Variants in WNK1 observed in about 807,000 individuals in gnomAD.
WNK1 encodes the protein WNK lysine deficient protein kinase 1.
WNK1 carries 38 observed loss-of-function variants against 222.8 expected under a neutral mutation model. The observed-to-expected ratio is 0.17, with a 90% CI of 0.13 to 0.22. The LOEUF is 0.22. Ranked by LOEUF, WNK1 falls within the 10% of genes least tolerant of loss-of-function variation. WNK1 has a pLI of 1.00. For missense variants in WNK1, 2,348 were observed against 2,918.4 expected, an observed-to-expected ratio of 0.80 and a Z score of 4.50; for synonymous variants, 1,090 against 1,092.9, an observed-to-expected ratio of 1.00 and a Z score of 0.05.
rs368621387 is a variant in WNK1, at chr12:885,188, G to A, written c.4384G>A (p.Gly1462Ser). The change falls in exon 19 of 28, where the codon GGC becomes AGC. Residue 1462 changes from glycine (G) to serine (S), a missense_variant. By Grantham distance (56) the Gly-to-Ser change is moderately conservative (BLOSUM62 0). This residue lies in a region of WNK1 where 1,144 missense variants were observed against 1,273.6 expected (regional missense o/e 0.90). Coordinates refer to ENST00000315939, the MANE Select transcript of WNK1 (RefSeq NM_018979.4). ...TVSATSASAG[G>S]STATPGPKPP... ...TTCAGCAACTTCAGCCTCTGCAGGGGGCAGTACTGCTACCCCAGGTCCTAA... is the reference window on the plus strand; with the variant it reads ...TTCAGCAACTTCAGCCTCTGCAGGGAGCAGTACTGCTACCCCAGGTCCTAA... 1.2e-6 allele frequency: 2 copies of A among 1,614,124 alleles called. No individual in the cohort carries two copies. Among genetic ancestry groups the A allele is most frequent in the South Asian group, 1.1e-5 (1 of 91,076 alleles).
intron 1 of WNK1, among the ~76,000 whole-genome samples, chr12:795,296 G>GTTTTTTTTTTT (rs35447912): frequency 2.3e-5 from 3 of 133,022 alleles, no homozygotes; most frequent in Non-Finnish European, 3.2e-5. Context: ...ATTTTCCGTT[G>GTTTTTTTTTTT]TTTTTTTTTT....
chr12:794,525 A>G (rs1369605749), intron 1 of WNK1, among the ~76,000 whole-genome samples: 3 of 150,544 alleles, frequency 2.0e-5, no homozygotes, highest in African/African-American at 7.3e-5. Flanking sequence ...TTTAAATGAA[A>G]GGGTGTTGGA....
At chr12:834,590 G>A (rs1160532288) in intron 4 of WNK1, among the ~76,000 whole-genome samples, 1 of 152,050 alleles carries the variant, frequency 6.6e-6, no homozygotes, top group African/African-American at 2.4e-5. Context: ...CAAAGTCTTG[G>A]GTTCACATCC....
At chr12:839,339 A>T (rs541864943) in intron 4 of WNK1, among the ~76,000 whole-genome samples, 3 of 152,338 alleles carry the variant, frequency 2.0e-5, no homozygotes, top group Non-Finnish European at 4.4e-5. Flanking sequence ...ACACCTACAG[A>T]CTTAAATTTT....
At chr12:774,415 CA>C (rs1306739308) in intron 1 of WNK1, among the ~76,000 whole-genome samples, 1 of 152,168 alleles carries the variant, frequency 6.6e-6, no homozygotes, top group Non-Finnish European at 1.5e-5. Flanking sequence ...CTTTCTCAGA[CA>C]GAAGCCAGCT....
intron 12 of WNK1, 45 bp downstream of exon 12, chr12:881,044 A>G: frequency 6.2e-7 from 1 of 1,610,480 alleles, no homozygotes; most frequent in Non-Finnish European, 8.5e-7. Flanking sequence ...GTATATATGT[A>G]ATTGGACAAC....
chr12:813,537 A>C (rs1423131941), intron 1 of WNK1, 105 bp from the exon 2 acceptor site: 1 of 1,242,646 alleles, frequency 8.0e-7, no homozygotes, highest in Non-Finnish European at 1.1e-6. Flanking sequence ...GCATTTTTTA[A>C]ACACCATCGA....
Position 881,017 on chromosome 12 carries a change from A to G in WNK1, c.3111+18A>G. ...TTTTGGAGGTAAATAGAATTACTGC[A>G]TGTTTATATGTAAAACGTATATATG... is the stretch of plus-strand genomic sequence containing the variant. On this transcript the variant is annotated intron_variant, in intron 12 of 27. Transcript: ENST00000315939. 3 of 1,613,970 alleles carry G rather than the reference A, an allele frequency of 1.9e-6. No homozygotes were observed. The highest frequency in any genetic ancestry group is 2.2e-5 in the East Asian group (1 of 44,884).
At chr12:791,213 C>G (rs1171822397) in intron 1 of WNK1, among the ~76,000 whole-genome samples, 1 of 147,420 alleles carries the variant, frequency 6.8e-6, no homozygotes, top group Admixed American at 6.8e-5. Flanking sequence ...CAGAATTTTA[C>G]TATTTCTCTC....
chr12:879,792 A>G lies in WNK1; in HGVS notation c.2593A>G (p.Met865Val). The change falls in exon 11 of 28, where the codon ATG (methionine) becomes GTG (valine). Residue 865 changes from methionine (M) to valine (V), a missense_variant. Physicochemically the swap from Met to Val is conservative, Grantham distance 21. This residue lies in a region of WNK1 where 547 missense variants were observed against 558.3 expected (regional missense o/e 0.98). Transcript: ENST00000315939. ...AGGTTTCTCATCCCTTCCCATCACA[A>G]TGGCAGCTGGCATTACTCAGCCTCT... is the stretch of plus-strand genomic sequence containing the variant. ...QTGFSSLPIT[M>V]AAGITQPLLT... 1 of 1,613,852 alleles carries G rather than the reference A, an allele frequency of 6.2e-7. No individual in the cohort carries two copies. Among genetic ancestry groups the G allele is most frequent in the Non-Finnish European group, 8.5e-7 (1 of 1,179,938 alleles).
At chr12:882,441 C>T (rs1337571074) in intron 14 of WNK1, among the ~76,000 whole-genome samples, 1 of 152,178 alleles carries the variant, frequency 6.6e-6, no homozygotes, top group African/African-American at 2.4e-5. Context: ...TCAGGTGACT[C>T]ACCTGCCTCA....
In WNK1 at chr12:909,182, C is replaced by G. The variant is rs1955931185; in HGVS notation, c.*390C>G. On this transcript the variant is annotated 3_prime_UTR_variant, in exon 28 of 28. Coordinates refer to ENST00000315939, the MANE Select transcript of WNK1 (RefSeq NM_018979.4). ...TTGCTTTTGGTACATGCCCTGAATC[C>G]CTCACTCCCTCAAGAATCCGAACCA... is the stretch of plus-strand genomic sequence containing the variant. 2 of 236,070 alleles carry G rather than the reference C, an allele frequency of 8.5e-6. No individual in the cohort carries two copies. Among genetic ancestry groups the G allele is most frequent in the African/African-American group, 4.6e-5 (2 of 43,946 alleles). The allele number at this position is 236,070 out of a possible 1,614,324, so 14.6% of individuals were successfully genotyped here.
At chr12:842,043 C>T (rs779065631) in intron 4 of WNK1, among the ~76,000 whole-genome samples, 26 of 152,232 alleles carry the variant, frequency 1.7e-4, no homozygotes, top group African/African-American at 5.1e-4. Context: ...TTTATTATAT[C>T]GTTGTTTGTA....
At chr12:774,824 C>A (rs1041264344) in intron 1 of WNK1, among the ~76,000 whole-genome samples, 1 of 152,052 alleles carries the variant, frequency 6.6e-6, no homozygotes, top group South Asian at 2.1e-4. Context: ...AATTGTATTT[C>A]CTCTTTTGTC....
At position 784,446 on chromosome 12, in the gene WNK1, G is replaced by A. The variant is rs79693357; in HGVS notation, c.760-29196G>A. On this transcript the variant is annotated intron_variant, in intron 1 of 27. Transcript: ENST00000315939. ...CAGTTTTTTAATTTTTGCCTTTGATGTGATTGTCTTATTTTATAATATGTT... is the reference window on the plus strand; with the variant it reads ...CAGTTTTTTAATTTTTGCCTTTGATATGATTGTCTTATTTTATAATATGTT... Among the ~76,000 whole-genome samples the A allele has an allele frequency of 0.024, 3,672 of 152,054 alleles. 325 individuals are homozygous for A. In the East Asian group the frequency reaches 0.25, roughly 10 times the overall value.
intron 1 of WNK1, among the ~76,000 whole-genome samples, chr12:754,580 A>G (rs1420498071): frequency 1.3e-5 from 2 of 152,210 alleles, no homozygotes; most frequent in Non-Finnish European, 2.9e-5. Flanking sequence ...AGTACAAACG[A>G]ATTGTCTCCT....
At chr12:814,645 T>G (rs1385086483) in intron 2 of WNK1, among the ~76,000 whole-genome samples, 5 of 152,190 alleles carry the variant, frequency 3.3e-5, no homozygotes, top group Admixed American at 6.5e-5. Context: ...TGTTGGAGTA[T>G]GCCTTTGTAA....
intron 25 of WNK1, among the ~76,000 whole-genome samples, chr12:899,059 GGATA>G (rs1004200957): frequency 2.0e-5 from 3 of 152,062 alleles, no homozygotes; most frequent in African/African-American, 4.8e-5. Flanking sequence ...ATTTTAATTG[GGATA>G]GATAGAGAGT....
chr12:822,734 T>G (rs986881997), intron 2 of WNK1, among the ~76,000 whole-genome samples: 5 of 152,232 alleles, frequency 3.3e-5, no homozygotes, highest in African/African-American at 1.2e-4. Context: ...AGCATAGTTT[T>G]ATAATAATTA....
Sources: allele counts gnomAD v4.1 joint callset (sites outside exome capture counted in the v4.1 genomes callset), GRCh38; gene constraint gnomAD v4.1.1; regional missense constraint gnomAD v4.1.1; transcripts MANE v1.5; gene names NCBI Gene and HGNC (gene_info 2026-07-23, HGNC 2026-07-21).